TBC1D23: variants seen among roughly 807,000 people sequenced by gnomAD.
TBC1D23 encodes TBC1 domain family member 23.
Under a neutral mutation model 91.4 loss-of-function variants are expected in TBC1D23, and 55 were observed. That is an observed-to-expected ratio of 0.60 (90% confidence interval 0.48 to 0.75). The LOEUF is 0.75. TBC1D23 is among the 30% of genes least tolerant of loss of function. The probability of loss-of-function intolerance (pLI) is 0.00; values close to 1 mark genes in which losing one functional copy is unlikely to be tolerated. For missense variants in TBC1D23, 725 were observed against 836.1 expected (o/e 0.87, Z 1.64); for synonymous variants, 289 against 281.0 (o/e 1.03, Z -0.28).
At position 100,325,207 on chromosome 3, in the gene TBC1D23, C is replaced by T. The variant is rs1031323308; in HGVS notation, c.*1539C>T. The T allele has an allele frequency of 2.0e-5, 3 of 152,090 alleles. No individual in the cohort carries two copies. The highest frequency in any genetic ancestry group is 7.2e-5 in the African/African-American group (3 of 41,406). The allele number at this position is 152,090 out of a possible 1,614,324, so 9.4% of individuals were successfully genotyped here. A position where few individuals can be genotyped will look rare whatever the true frequency, so the allele number is the denominator to read the frequency against. The stretch of plus-strand genomic sequence containing the variant: ...TGTTTGTGTTACTGTTTATAAATTA[C>T]AATTGTAAATAAATTACTAGTTTGC... On this transcript the variant is annotated 3_prime_UTR_variant, in exon 19 of 19. Transcript: ENST00000394144.
chr3:100,311,109 A>AT (rs1263744468), intron 14 of TBC1D23, among the ~76,000 whole-genome samples: 1 of 152,130 alleles, frequency 6.6e-6, no homozygotes, highest in African/African-American at 2.4e-5. Context: ...CTGAGGATAC[A>AT]TTTTTTTCTC....
chr3:100,283,533 G>A, intron 3 of TBC1D23, 74 bp from the exon 4 acceptor site: 1 of 896,438 alleles, frequency 1.1e-6, no homozygotes, highest in Non-Finnish European at 1.8e-6. Flanking sequence ...TTATATATTT[G>A]TAAACAAGTG....
At chr3:100,286,307 G>T (rs2067741321) in intron 4 of TBC1D23, among the ~76,000 whole-genome samples, 1 of 152,180 alleles carries the variant, frequency 6.6e-6, no homozygotes, top group African/African-American at 2.4e-5. Context: ...GAGAATGGTG[G>T]TGATGGTAGT....
At chr3:100,279,113 A>G (rs1297537636) in intron 1 of TBC1D23, among the ~76,000 whole-genome samples, 2 of 152,178 alleles carry the variant, frequency 1.3e-5, no homozygotes, top group Non-Finnish European at 2.9e-5. Flanking sequence ...GTGACCCTAT[A>G]CCATAATACT....
rs777073032 is a variant in TBC1D23 at position 100,320,760 on chromosome 3, G to A, written c.1824-17G>A. 2.1e-6 allele frequency: 3 copies of A among 1,418,190 alleles called. No homozygotes were observed. Among genetic ancestry groups the A allele is most frequent in the South Asian group, 1.7e-5 (1 of 57,676 alleles). 87.9% of individuals were successfully genotyped at this position (1,418,190 alleles called of 1,614,324 possible). A position where few individuals can be genotyped will look rare whatever the true frequency, so the allele number is the denominator to read the frequency against. On this transcript the variant is annotated splice_polypyrimidine_tract_variant and intron_variant, in intron 17 of 18. Transcript: ENST00000394144. ...ACTTAAAAATTCTTTTTCTTTTAAT[G>A]CTTTTTTTGTCTCAAGTCATCTGTT... is the stretch of plus-strand genomic sequence containing the variant.
At chr3:100,262,640 G>A (rs1292813692) in intron 1 of TBC1D23, among the ~76,000 whole-genome samples, 1 of 135,600 alleles carries the variant, frequency 7.4e-6, no homozygotes, top group Non-Finnish European at 1.5e-5. Context: ...CAGGAGAATC[G>A]CTTGAACCCG....
At chr3:100,299,183 G>T in intron 9 of TBC1D23, 56 bp from the exon 10 acceptor site, 1 of 1,116,834 alleles carries the variant, frequency 9.0e-7, no homozygotes, top group Non-Finnish European at 1.4e-6. Context: ...ATATTATGTT[G>T]TGCAATGTGA....
In TBC1D23 at chr3:100,319,286, T is replaced by C. The variant is rs550800368; in HGVS notation, c.1823+82T>C. 1.4e-3 allele frequency: 1,567 copies of C among 1,113,710 alleles called. 5 individuals carry two copies. The highest frequency in any genetic ancestry group is 1.9e-3 in the Middle Eastern group (9 of 4,724). The allele number at this position is 1,113,710 out of a possible 1,614,324, so 69.0% of individuals were successfully genotyped here. A position where few individuals can be genotyped will look rare whatever the true frequency, so the allele number is the denominator to read the frequency against. ...ACAAAACTGAACTACAGAAGAACCT[T>C]TATTTATCCTAGTACAATAAGATAT... On this transcript the variant is annotated intron_variant, in intron 17 of 18. Coordinates refer to ENST00000394144, the MANE Select transcript of TBC1D23 (RefSeq NM_001199198.3).
intron 1 of TBC1D23, among the ~76,000 whole-genome samples, chr3:100,263,302 T>C (rs957291771): frequency 3.3e-5 from 5 of 152,186 alleles, no homozygotes; most frequent in Non-Finnish European, 7.4e-5. Context: ...GACCGGCCAT[T>C]TACACTTCTT....
Position 100,297,962 on chromosome 3 carries a change from A to C in TBC1D23, c.916A>C (p.Lys306Gln), listed in dbSNP as rs769431908. The C allele has an allele frequency of 2.1e-5, 34 of 1,612,506 alleles. No homozygotes were observed. Among genetic ancestry groups the C allele is most frequent in the Non-Finnish European group, 2.8e-5 (33 of 1,178,750 alleles). The change falls in exon 9 of 19, where the codon AAG becomes CAG. Residue 306 changes from lysine to glutamine, a missense_variant. Physicochemically the swap from Lys to Gln is moderately conservative, Grantham distance 53 (BLOSUM62 1). Transcript: ENST00000394144. ...CTTTGGTAGTACTTTGTTGGGAATT[A>C]AGGATGATGATGCAGATCTGAGTCA... ...HLFGSTLLGI[K>Q]DDDADLSQAL... is the part of the protein sequence containing the mutation.
At position 100,282,630 on chromosome 3, in the gene TBC1D23, T is replaced by A. The variant is rs556243836; in HGVS notation, c.271+783T>A. On this transcript the variant is annotated intron_variant, in intron 3 of 18. Transcript: ENST00000394144. ...TAAATTCATCTCTAGTGCATTGTAT[T>A]TTTGTTTCTCTTTCCATCATATTTT... 2.1e-3 allele frequency among the ~76,000 whole-genome samples: 327 copies of A among 152,370 alleles called. 2 individuals carry two copies. Among genetic ancestry groups the A allele is most frequent in the Non-Finnish European group, 3.4e-3 (230 of 68,030 alleles).
At chr3:100,314,091 A>ATTTT (rs71299383) in intron 15 of TBC1D23, among the ~76,000 whole-genome samples, 1,131 of 94,590 alleles carry the variant, frequency 0.012, 1 homozygote, top group Non-Finnish European at 0.016. Flanking sequence ...AGGCTACAAA[A>ATTTT]TTTTTTTTTT....
chr3:100,296,270 A>G lies in TBC1D23; in HGVS notation c.871A>G (p.Arg291Gly). The G allele has an allele frequency of 6.3e-7, 1 of 1,583,068 alleles. No homozygotes were observed. The highest frequency in any genetic ancestry group is 8.6e-7 in the Non-Finnish European group (1 of 1,156,476). Reference protein sequence around the residue: ...YYCSKTPASFRKDNHHLFGST... With the variant: ...YYCSKTPASFGKDNHHLFGST... The stretch of plus-strand genomic sequence containing the variant: ...TTGCAGCAAAACACCGGCTTCTTTT[A>G]GGAAGGTATAAGACCAGAAATGACC... The change falls in exon 8 of 19, where the codon AGG (arginine) becomes GGG (glycine). Residue 291 changes from arginine (R) to glycine (G), a missense_variant. Transcript: ENST00000394144.
chr3:100,299,934 C>T (rs1453913474), intron 10 of TBC1D23, among the ~76,000 whole-genome samples: 1 of 150,922 alleles, frequency 6.6e-6, no homozygotes, highest in Non-Finnish European at 1.5e-5. Context: ...TAGCACTTAG[C>T]ATAGTGCACT....
intron 5 of TBC1D23, among the ~76,000 whole-genome samples, chr3:100,293,935 T>A (rs1042319929): frequency 6.6e-6 from 1 of 152,260 alleles, no homozygotes; most frequent in African/African-American, 2.4e-5. Context: ...AATAGTTTAG[T>A]ATTAGCTTAG....
intron 11 of TBC1D23, among the ~76,000 whole-genome samples, chr3:100,303,789 A>T (rs1705473031): frequency 6.6e-6 from 1 of 152,064 alleles, no homozygotes; most frequent in East Asian, 1.9e-4. Context: ...AATAAAATAA[A>T]AACGCTTCAG....
At chr3:100,272,677 T>C (rs1215260460) in intron 1 of TBC1D23, among the ~76,000 whole-genome samples, 11 of 152,136 alleles carry the variant, frequency 7.2e-5, no homozygotes, top group Admixed American at 7.2e-4. Flanking sequence ...ATTGATCATT[T>C]TTGGGTGTTT....
chr3:100,309,610 CTTT>C (rs71132518), intron 13 of TBC1D23, among the ~76,000 whole-genome samples: 2 of 116,116 alleles, frequency 1.7e-5, no homozygotes, highest in Admixed American at 9.4e-5. Context: ...ATTCTACCTT[CTTT>C]TTTTTTTTTT....
At chr3:100,307,930 G>A (rs887598717) in intron 13 of TBC1D23, among the ~76,000 whole-genome samples, 6 of 152,182 alleles carry the variant, frequency 3.9e-5, no homozygotes, top group African/African-American at 1.4e-4. Context: ...AAAGTCCTTA[G>A]ACTTCTGCAT....
Sources: gnomAD v4.1 joint callset for allele counts (sites outside exome capture counted in the v4.1 genomes callset) on GRCh38, gnomAD v4.1.1 for gene constraint, MANE v1.5 for transcripts, NCBI Gene and HGNC (gene_info 2026-07-23, HGNC 2026-07-21) for gene names.